The following PAPSS1 variants were observed in gnomAD, a reference collection of about 807,000 sequenced individuals.
PAPSS1 encodes the protein 3'-phosphoadenosine 5'-phosphosulfate synthase 1, also known as bifunctional 3'-phosphoadenosine 5'-phosphosulfate synthase 1.
A neutral mutation model predicts 72.0 loss-of-function variants in PAPSS1; 50 were observed. The ratio of observed to expected loss-of-function variants is 0.69; its 90% CI spans 0.55 to 0.88. PAPSS1 has a LOEUF of 0.88. Among genes scored for constraint, PAPSS1 ranks in the 40% least tolerant of loss-of-function variants. The pLI, the probability that PAPSS1 is intolerant of heterozygous loss-of-function variation, is 0.00. For missense variants in PAPSS1, 657 were observed against 782.2 expected, an observed-to-expected ratio of 0.84 and a Z score of 1.91; for synonymous variants, 261 against 263.6, an observed-to-expected ratio of 0.99 and a Z score of 0.09.
At chr4:107,637,442 C>T (rs1192258786) in intron 10 of PAPSS1, among the ~76,000 whole-genome samples, 3 of 152,118 alleles carry the variant, frequency 2.0e-5, no homozygotes. Context: ...GACTATACTG[C>T]TTACATATAA....
intron 1 of PAPSS1, 166 bp downstream of exon 1, chr4:107,719,954 C>G (rs774253508): frequency 7.1e-6 from 10 of 1,399,960 alleles, no homozygotes; most frequent in Admixed American, 3.4e-5. Context: ...CCCTCTGCCT[C>G]GCAACCACCC....
In PAPSS1 at chr4:107,635,914, C is replaced by T. The variant is rs185565641; in HGVS notation, c.1507-4054G>A. On this transcript the variant is annotated intron_variant, in intron 10 of 11. Transcript: ENST00000265174. ...CTTGGTGACATAGGTACACAGAGAC[C>T]CCTGGCTTAGTAAGTGTGCTTCTCT... Among the ~76,000 whole-genome samples the T allele has an allele frequency of 7.9e-5, 12 of 152,224 alleles. No individual in the cohort carries two copies. The East Asian group carries it at 2.3e-3, about 29-fold the overall frequency.
intron 11 of PAPSS1, among the ~76,000 whole-genome samples, chr4:107,621,786 AATTTTTTTTTTGT>A (rs1725968031): frequency 6.6e-6 from 1 of 150,620 alleles, no homozygotes; most frequent in Non-Finnish European, 1.5e-5. Flanking sequence ...ACGCCTGGCT[AATTTTTTTTTTGT>A]ATTTTTTTTT....
At chr4:107,631,926 G>C in intron 10 of PAPSS1, 66 bp from the exon 11 acceptor site, 1 of 903,168 alleles carries the variant, frequency 1.1e-6, no homozygotes, top group Non-Finnish European at 1.7e-6. Context: ...ATAGTAAGTG[G>C]ATAATAAATG....
At chr4:107,659,518 T>C (rs1578404157) in intron 6 of PAPSS1, among the ~76,000 whole-genome samples, 1 of 152,180 alleles carries the variant, frequency 6.6e-6, no homozygotes, top group South Asian at 2.1e-4. Context: ...GAAAGACAGC[T>C]AATGATATCA....
At chr4:107,648,032 G>A (rs1432404140) in intron 9 of PAPSS1, among the ~76,000 whole-genome samples, 2 of 151,886 alleles carry the variant, frequency 1.3e-5, no homozygotes, top group Non-Finnish European at 2.9e-5. Context: ...CCAAATTTGG[G>A]TCTGGCCCCC....
chr4:107,638,809 A>G (rs1044942149), intron 10 of PAPSS1, among the ~76,000 whole-genome samples: 1 of 152,190 alleles, frequency 6.6e-6, no homozygotes, highest in African/African-American at 2.4e-5. Context: ...ACTGTACAAA[A>G]TGTTTTATAA....
Position 107,654,702 on chromosome 4 carries a change from T to C in PAPSS1, c.1094A>G (p.Tyr365Cys), listed in dbSNP as rs1261562217. Residue 365 changes from tyrosine to cysteine, a missense_variant, in exon 8 of 12, where the codon TAT (tyrosine) becomes TGT (cysteine). Tyr to Cys is a radical substitution (Grantham distance 194). Transcript: ENST00000265174. Reference protein sequence around the residue: ...QWGTTCKNHPYIKMVMEQGDW... With the variant: ...QWGTTCKNHPCIKMVMEQGDW... ...GCGAGGTTTTTTCAGCACCTTAATA[T>C]AGGGGTGGTTCTTGCATGTCGTTCC... 3.1e-6 allele frequency: 5 copies of C among 1,612,374 alleles called. No homozygotes were observed. Among genetic ancestry groups the C allele is most frequent in the Middle Eastern group, 2.0e-4 (1 of 5,102 alleles).
rs773944643 is a variant in PAPSS1, at chr4:107,720,184, G to T, written c.-5C>A. On this transcript the variant is annotated 5_prime_UTR_variant, in exon 1 of 12. Transcript: ENST00000265174. ...CAGGCTCCCGGGGATCTCCATGACC[G>T]CGGAGCGCGCTGAGCAGCCGGGGTT... 1.9e-6 allele frequency: 3 copies of T among 1,601,030 alleles called. No individual in the cohort carries two copies. The African/African-American group carries it at 4.1e-5, about 22-fold the overall frequency.
chr4:107,676,311 A>C (rs1288926442), intron 5 of PAPSS1, among the ~76,000 whole-genome samples: 1 of 152,372 alleles, frequency 6.6e-6, no homozygotes, highest in South Asian at 2.1e-4. Flanking sequence ...AAATCTCCTT[A>C]AGCTGACAGC....
At chr4:107,639,390 CTCAG>C (rs1726478022) in intron 10 of PAPSS1, among the ~76,000 whole-genome samples, 1 of 152,154 alleles carries the variant, frequency 6.6e-6, no homozygotes, top group Non-Finnish European at 1.5e-5. Context: ...AAATCTAAAA[CTCAG>C]TTTTGTAACT....
chr4:107,707,720 G>A (rs976304711), intron 1 of PAPSS1, among the ~76,000 whole-genome samples: 1 of 152,186 alleles, frequency 6.6e-6, no homozygotes, highest in East Asian at 1.9e-4. Context: ...ATCCAGGTGC[G>A]GTCATCTCTC....
At chr4:107,698,973 G>C (rs1354728492) in intron 2 of PAPSS1, among the ~76,000 whole-genome samples, 1 of 151,990 alleles carries the variant, frequency 6.6e-6, no homozygotes, top group African/African-American at 2.4e-5. Context: ...GCCAATTCTA[G>C]CCATCCCGTC....
At chr4:107,660,616 A>C (rs1266219575) in intron 5 of PAPSS1, among the ~76,000 whole-genome samples, 2 of 152,180 alleles carry the variant, frequency 1.3e-5, no homozygotes, top group Non-Finnish European at 2.9e-5. Flanking sequence ...CAAGCTCCAT[A>C]TACTCATTTA....
chr4:107,651,096 T>G (rs1014850713), intron 9 of PAPSS1, among the ~76,000 whole-genome samples: 6 of 152,178 alleles, frequency 3.9e-5, no homozygotes, highest in African/African-American at 1.4e-4. Flanking sequence ...CAGTACCAAG[T>G]ATAGCACTCA....
At chr4:107,630,111 C>T (rs886918936) in intron 11 of PAPSS1, among the ~76,000 whole-genome samples, 1 of 152,278 alleles carries the variant, frequency 6.6e-6, no homozygotes, top group African/African-American at 2.4e-5. Context: ...CTTTTTTATC[C>T]CTAGTCTCCA....
intron 10 of PAPSS1, among the ~76,000 whole-genome samples, chr4:107,635,046 C>T (rs1173841178): frequency 2.6e-5 from 4 of 152,120 alleles, no homozygotes; most frequent in East Asian, 1.9e-4. Flanking sequence ...GATCCGCCCG[C>T]CTTGGCCTCC....
chr4:107,681,379 TG>T (rs925280697), intron 5 of PAPSS1, among the ~76,000 whole-genome samples: 1 of 151,886 alleles, frequency 6.6e-6, no homozygotes, highest in African/African-American at 2.4e-5. Flanking sequence ...TCCAATGAAA[TG>T]GGGAAAGGGG....
intron 5 of PAPSS1, 48 bp downstream of exon 5, chr4:107,681,967 G>A: frequency 2.2e-6 from 2 of 898,382 alleles, no homozygotes; most frequent in Non-Finnish European, 3.6e-6. Flanking sequence ...AAGATTATGA[G>A]AGAGATATAA....
Sources: allele counts gnomAD v4.1 joint callset (sites outside exome capture counted in the v4.1 genomes callset), GRCh38; gene constraint gnomAD v4.1.1; transcripts MANE v1.5; gene names NCBI Gene and HGNC (gene_info 2026-07-23, HGNC 2026-07-21).